The following SEC23A variants were observed in gnomAD, a reference collection of about 807,000 sequenced individuals.
SEC23A encodes the protein SEC23 homolog A, COPII component.
In SEC23A, 56 loss-of-function variants were observed where a neutral mutation model predicts 103.7. The observed-to-expected ratio is 0.54, with a 90% confidence interval of 0.44 to 0.67. The LOEUF (loss-of-function observed/expected upper bound fraction) is 0.67. Ranked by LOEUF, SEC23A falls within the 30% of genes least tolerant of loss-of-function variation. The pLI is 0.00. For missense variants in SEC23A, 784 were observed against 936.4 expected (o/e 0.84, Z 2.12); for synonymous variants, 281 against 293.0 (o/e 0.96, Z 0.42).
intron 16 of SEC23A, among the ~76,000 whole-genome samples, chr14:39,044,596 A>G (rs1240887303): frequency 6.6e-6 from 1 of 152,234 alleles, no homozygotes; most frequent in Non-Finnish European, 1.5e-5. Context: ...TTTTAACTAC[A>G]GAATGGAAAA....
chr14:39,039,020 T>C lies in SEC23A; in HGVS notation c.2208+11A>G. 2 of 1,606,390 alleles carry C rather than the reference T, an allele frequency of 1.2e-6. No homozygotes were observed. The highest frequency in any genetic ancestry group is 2.2e-5 in the East Asian group (1 of 44,774). ...AAGAAATAATTTCCAAGACCTGCTA[T>C]TTAAACTTACCTGCCCCCAGGCATA... is the stretch of plus-strand genomic sequence containing the variant. On this transcript the variant is annotated intron_variant, in intron 19 of 19. Transcript: ENST00000307712.
At chr14:39,076,460 G>T (rs1887026239) in intron 7 of SEC23A, among the ~76,000 whole-genome samples, 3 of 148,254 alleles carry the variant, frequency 2.0e-5, no homozygotes, top group Non-Finnish European at 4.5e-5. Flanking sequence ...TAGAGACAAG[G>T]TCTCACCATG....
At chr14:39,073,551 C>G (rs1460675643) in intron 9 of SEC23A, among the ~76,000 whole-genome samples, 3 of 149,412 alleles carry the variant, frequency 2.0e-5, no homozygotes, top group African/African-American at 7.4e-5. Context: ...ACCTCGGCTT[C>G]TCAAAGTGCT....
At position 39,089,143 on chromosome 14, in the gene SEC23A, G is replaced by T. The variant is rs568505702; in HGVS notation, c.604-2135C>A. ...ATCATGCCACTGCACTCCAGCCTGG[G>T]TGACAGAGCAAGACTCCGTGTCAAA... On this transcript the variant is annotated intron_variant, in intron 5 of 19. Coordinates refer to ENST00000307712, the MANE Select transcript of SEC23A (RefSeq NM_006364.4). Among the ~76,000 whole-genome samples, 4 of 147,128 alleles carry T rather than the reference G, an allele frequency of 2.7e-5. No individual in the cohort carries two copies. The South Asian group carries it at 8.6e-4, about 32-fold the overall frequency.
At chr14:39,086,620 A>G (rs1197325881) in intron 6 of SEC23A, among the ~76,000 whole-genome samples, 1 of 152,126 alleles carries the variant, frequency 6.6e-6, no homozygotes, top group Non-Finnish European at 1.5e-5. Context: ...AGCTACCTCT[A>G]AAGCTAAGAA....
At chr14:39,091,450 G>GT in intron 5 of SEC23A, 27 bp downstream of exon 5, 1 of 1,553,260 alleles carries the variant, frequency 6.4e-7, no homozygotes, top group South Asian at 1.1e-5. Flanking sequence ...TTTCAGATAG[G>GT]TAAAAACTAC....
chr14:39,086,921 T>C lies in SEC23A; in HGVS notation c.683+8A>G. The C allele has an allele frequency of 1.3e-6, 2 of 1,546,672 alleles. No homozygotes were observed. Among genetic ancestry groups the C allele is most frequent in the Non-Finnish European group, 1.8e-6 (2 of 1,118,468 alleles). On this transcript the variant is annotated splice_region_variant and intron_variant, in intron 6 of 19. Transcript: ENST00000307712. ...AAACGGTCAAATTCTCTTCATCATA[T>C]TTATTACCTGTTGGAAGGAGGTGGC...
intron 18 of SEC23A, chr14:39,040,448 A>T (rs1885600245): frequency 2.5e-6 from 1 of 407,162 alleles, no homozygotes; most frequent in Non-Finnish European, 4.4e-6. Flanking sequence ...TTTCTTGTTC[A>T]ACCAAAGCTA....
Position 39,085,762 on chromosome 14 carries a change from C to T in SEC23A, c.828G>A (p.Glu276=). 1.2e-6 allele frequency: 2 copies of T among 1,611,554 alleles called. No homozygotes were observed. The highest frequency in any genetic ancestry group is 2.2e-5 in the East Asian group (1 of 44,690). Residue 276 remains glutamate, a splice_region_variant and synonymous_variant, in exon 7 of 20, where the codon GAG becomes GAA. Coordinates refer to ENST00000307712, the MANE Select transcript of SEC23A (RefSeq NM_006364.4). ...TCCAAAACAAAACCATCTTCCCTAC[C>T]TCCAGCAGTCCTACAGCTATGGAAA... ...VALSIAVGLL[E]CTFPNTGARI...
intron 13 of SEC23A, among the ~76,000 whole-genome samples, chr14:39,059,120 G>T: frequency 6.6e-6 from 1 of 151,806 alleles, no homozygotes; most frequent in East Asian, 1.9e-4. Context: ...TCCCTTCACT[G>T]TGATTCTTAC....
chr14:39,072,725 GA>G (rs1432040786), intron 9 of SEC23A, among the ~76,000 whole-genome samples: 6 of 152,078 alleles, frequency 3.9e-5, no homozygotes, highest in African/African-American at 1.4e-4. Flanking sequence ...GAGGTGAGAG[GA>G]TTGCTTGAGC....
intron 18 of SEC23A, 79 bp downstream of exon 18, chr14:39,040,653 T>C (rs904796743): frequency 7.7e-6 from 12 of 1,560,380 alleles, no homozygotes; most frequent in East Asian, 2.2e-5. Flanking sequence ...AGCAATCTAT[T>C]AAAATCAGAA....
intron 9 of SEC23A, among the ~76,000 whole-genome samples, chr14:39,073,570 A>T (rs56103446): frequency 1.4e-5 from 2 of 147,328 alleles, no homozygotes; most frequent in African/African-American, 5.0e-5. Context: ...CTAGGATTAC[A>T]GTTGGGAGCC....
chr14:39,073,046 T>A (rs969706399), intron 9 of SEC23A, among the ~76,000 whole-genome samples: 11 of 152,146 alleles, frequency 7.2e-5, no homozygotes, highest in African/African-American at 2.7e-4. Flanking sequence ...GAACACGATG[T>A]TCAAAGGACC....
At position 39,065,001 on chromosome 14, in the gene SEC23A, A is replaced by G. The variant is rs1440922099; in HGVS notation, c.1228-8T>C. 1.3e-6 allele frequency: 2 copies of G among 1,580,248 alleles called. No individual in the cohort carries two copies. Among genetic ancestry groups the G allele is most frequent in the Non-Finnish European group, 1.7e-6 (2 of 1,149,108 alleles). On this transcript the variant is annotated splice_polypyrimidine_tract_variant and splice_region_variant and intron_variant, in intron 10 of 19. Transcript: ENST00000307712. ...CTTTATTTCCCTTGAGGTCTGCAAA[A>G]TAAGAATACAGCATGTTCGGTTTCC...
chr14:39,040,843 C>T lies in SEC23A; in HGVS notation c.2031G>A (p.Glu677=), dbSNP rs759278290. ...WRKSGYQDMP[E]YENFRHLLQA... Reference sequence around the variant, plus strand: ...GCAGAAGGTGGCGGAAATTTTCATACTCAGGCATATCCTGGTATCCTGACT... The same window carrying T: ...GCAGAAGGTGGCGGAAATTTTCATATTCAGGCATATCCTGGTATCCTGACT... Residue 677 remains glutamate, a synonymous_variant, in exon 18 of 20, where the codon GAG becomes GAA. Coordinates refer to ENST00000307712, the MANE Select transcript of SEC23A (RefSeq NM_006364.4). 6.2e-7 allele frequency: 1 copy of T among 1,614,178 alleles called. No homozygotes were observed. Among genetic ancestry groups the T allele is most frequent in the East Asian group, 2.2e-5 (1 of 44,882 alleles).
chr14:39,067,873 T>C (rs1886726779), intron 9 of SEC23A, among the ~76,000 whole-genome samples: 1 of 152,036 alleles, frequency 6.6e-6, no homozygotes. Context: ...TTTTGCCATG[T>C]TGCCCAGGTT....
chr14:39,099,777 A>G (rs1195271237), intron 1 of SEC23A, among the ~76,000 whole-genome samples: 1 of 152,196 alleles, frequency 6.6e-6, no homozygotes, highest in East Asian at 1.9e-4. Flanking sequence ...CTTTTAATTT[A>G]TTAATTAATC....
chr14:39,098,318 C>T (rs1887962368), intron 1 of SEC23A, among the ~76,000 whole-genome samples: 1 of 152,054 alleles, frequency 6.6e-6, no homozygotes, highest in South Asian at 2.1e-4. Flanking sequence ...TTAGCAACAG[C>T]TTCCATGTTA....
Sources: allele counts gnomAD v4.1 joint callset (sites outside exome capture counted in the v4.1 genomes callset), GRCh38; gene constraint gnomAD v4.1.1; transcripts MANE v1.5; gene names NCBI Gene and HGNC (gene_info 2026-07-23, HGNC 2026-07-21).